The following ARHGEF12 variants were observed in gnomAD, a reference collection of about 807,000 sequenced individuals.
The protein encoded by ARHGEF12 is KMT2A/ARHGEF12 fusion protein.
In ARHGEF12, 66 loss-of-function variants were observed where a neutral mutation model predicts 211.2. That is an observed-to-expected ratio of 0.31 (90% CI 0.26 to 0.38). ARHGEF12 has a LOEUF of 0.38. Ranked by LOEUF, ARHGEF12 falls within the 10% of genes least tolerant of loss-of-function variation. The pLI is 1.00. For missense variants in ARHGEF12, 1,429 were observed against 1,869.5 expected (o/e 0.76, Z 4.34); for synonymous variants, 592 against 638.4 (o/e 0.93, Z 1.09).
chr11:120,388,097 C>T (rs946016024), intron 1 of ARHGEF12, among the ~76,000 whole-genome samples: 2 of 152,168 alleles, frequency 1.3e-5, no homozygotes, highest in African/African-American at 4.8e-5. Context: ...CCCTCCACCC[C>T]TCCTCACCTA....
At chr11:120,411,319 T>C in intron 4 of ARHGEF12, 1 of 152,158 alleles carries the variant, frequency 6.6e-6, no homozygotes, top group East Asian at 1.9e-4. Flanking sequence ...ATTACAAATA[T>C]TTTATCACCT....
At chr11:120,406,011 C>T in intron 1 of ARHGEF12, 107 bp from the exon 2 acceptor site, 1 of 812,164 alleles carries the variant, frequency 1.2e-6, no homozygotes. Context: ...TGGAAAGTTA[C>T]CATAAGATTT....
chr11:120,347,115 C>T (rs997217775), intron 1 of ARHGEF12, among the ~76,000 whole-genome samples: 2 of 151,688 alleles, frequency 1.3e-5, no homozygotes, highest in African/African-American at 4.9e-5. Context: ...TTTCCAGCCT[C>T]TCCCTTTCTT....
chr11:120,353,633 G>A (rs753362625), intron 1 of ARHGEF12, among the ~76,000 whole-genome samples: 5 of 152,098 alleles, frequency 3.3e-5, no homozygotes, highest in Non-Finnish European at 7.4e-5. Flanking sequence ...CTTGCTTCTG[G>A]ATGGCTCCAG....
At chr11:120,470,639 T>C (rs1412461375) in intron 30 of ARHGEF12, among the ~76,000 whole-genome samples, 1 of 152,238 alleles carries the variant, frequency 6.6e-6, no homozygotes, top group Non-Finnish European at 1.5e-5. Context: ...TGAGTATGAT[T>C]ACAACTCTCT....
At chr11:120,434,778 A>AT (rs1310937855) in intron 11 of ARHGEF12, among the ~76,000 whole-genome samples, 3 of 152,134 alleles carry the variant, frequency 2.0e-5, no homozygotes, top group Non-Finnish European at 4.4e-5. Context: ...TATCATTTTG[A>AT]TTTTCAGTTT....
chr11:120,425,676 A>G (rs1466135812), intron 7 of ARHGEF12, among the ~76,000 whole-genome samples: 2 of 151,876 alleles, frequency 1.3e-5, no homozygotes, highest in African/African-American at 4.8e-5. Flanking sequence ...AGAAAGTCAC[A>G]TGAGAGTCCA....
rs556145082 is a variant in ARHGEF12 at position 120,378,210 on chromosome 11, G to A, written c.33-27908G>A. On this transcript the variant is annotated intron_variant, in intron 1 of 40. Coordinates refer to ENST00000397843, the MANE Select transcript of ARHGEF12 (RefSeq NM_015313.3). ...ATCAGTCTTTTTAATTTTAGTCATT[G>A]TAGTGGGTGTGAATGGCATCTCACT... Among the ~76,000 whole-genome samples the A allele has an allele frequency of 3.3e-5, 5 of 152,300 alleles. No individual in the cohort carries two copies. The South Asian group carries it at 1.0e-3, about 32-fold the overall frequency.
At position 120,467,190 on chromosome 11, in the gene ARHGEF12, T is replaced by G. The variant is rs1285577652; in HGVS notation, c.2740-4T>G. 6 of 1,579,862 alleles carry G rather than the reference T, an allele frequency of 3.8e-6. No homozygotes were observed. Among genetic ancestry groups the G allele is most frequent in the Non-Finnish European group, 5.2e-6 (6 of 1,151,080 alleles). The stretch of plus-strand genomic sequence containing the variant: ...CAGATTCACTTATTTCACTTTAATT[T>G]TAGGATGCTGAAAGTAATCCACTGT... On this transcript the variant is annotated splice_polypyrimidine_tract_variant and splice_region_variant and intron_variant, in intron 28 of 40. Transcript: ENST00000397843.
At chr11:120,465,688 G>A (rs545817038) in intron 28 of ARHGEF12, among the ~76,000 whole-genome samples, 6 of 152,074 alleles carry the variant, frequency 3.9e-5, no homozygotes, top group Non-Finnish European at 7.4e-5. Flanking sequence ...GGCTGGGCTC[G>A]AACACCTGAC....
intron 15 of ARHGEF12, among the ~76,000 whole-genome samples, chr11:120,443,202 T>C (rs1945935971): frequency 6.6e-6 from 1 of 152,002 alleles, no homozygotes; most frequent in Non-Finnish European, 1.5e-5. Context: ...TTGTATTTTG[T>C]AGAGCCGGGG....
intron 22 of ARHGEF12, among the ~76,000 whole-genome samples, chr11:120,455,241 C>A (rs1228299847): frequency 6.6e-6 from 1 of 152,088 alleles, no homozygotes; most frequent in Non-Finnish European, 1.5e-5. Context: ...AAAAAGAATA[C>A]CCATCTTCAG....
chr11:120,411,354 C>T (rs1436512325), intron 4 of ARHGEF12: 3 of 152,028 alleles, frequency 2.0e-5, no homozygotes, highest in Admixed American at 1.3e-4. Context: ...CTTTAGATTA[C>T]GTACAGTTAG....
In ARHGEF12 at chr11:120,486,271, CAAGGGTGGAGTGGAAAAAGAT is replaced by C. The variant is rs1947394942; in HGVS notation, c.*1196_*1216del. On this transcript the variant is annotated 3_prime_UTR_variant, in exon 41 of 41. Coordinates refer to ENST00000397843, the MANE Select transcript of ARHGEF12 (RefSeq NM_015313.3). ...AAGGGCCCTGAGTCAAAAGGATAGCCAAGGGTGGAGTGGAAAAAGATATGGTGAAGGCAGAACTGCTCACAC... is the reference window on the plus strand; with the variant it reads ...AAGGGCCCTGAGTCAAAAGGATAGCCATGGTGAAGGCAGAACTGCTCACAC... 2 of 233,248 alleles carry C rather than the reference CAAGGGTGGAGTGGAAAAAGAT, an allele frequency of 8.6e-6. No homozygotes were observed. The highest frequency in any genetic ancestry group is 1.7e-5 in the Non-Finnish European group (2 of 117,856). The allele number at this position is 233,248 out of a possible 1,614,324, so 14.4% of individuals were successfully genotyped here. A position where few individuals can be genotyped will look rare whatever the true frequency, so the allele number is the denominator to read the frequency against.
rs181539662 is a variant in ARHGEF12 at position 120,409,488 on chromosome 11, G to A, written c.199+38G>A. 4 of 1,598,368 alleles carry A rather than the reference G, an allele frequency of 2.5e-6. No homozygotes were observed. The East Asian group carries it at 6.7e-5, about 27-fold the overall frequency. On this transcript the variant is annotated intron_variant, in intron 4 of 40. Transcript: ENST00000397843. ...AGCTAATTCAGCCTTGCCCTTTGGA[G>A]CTTGCTTCATGGTGTTCCTTTTCTG...
In ARHGEF12 at chr11:120,473,076, T is replaced by G; in HGVS notation, c.2982T>G (p.Leu994=). Residue 994 remains leucine, a synonymous_variant, in exon 31 of 41, where the codon CTT becomes CTG. Transcript: ENST00000397843. ...KQRLEDYQRR[L]DTSSLKLSEY... ...GCCTAGAAGATTATCAGCGTCGCCT[T>G]GATACCTCCAGCCTGAAGTTGTCAG... 6.2e-7 allele frequency: 1 copy of G among 1,613,724 alleles called. No individual in the cohort carries two copies. Among genetic ancestry groups the G allele is most frequent in the Non-Finnish European group, 8.5e-7 (1 of 1,179,790 alleles).
chr11:120,435,978 T>C (rs1945682507), intron 11 of ARHGEF12, among the ~76,000 whole-genome samples: 1 of 152,248 alleles, frequency 6.6e-6, no homozygotes. Context: ...TACTAGCTAA[T>C]AGGTTACCCT....
chr11:120,368,288 A>G (rs1230250777), intron 1 of ARHGEF12, among the ~76,000 whole-genome samples: 3 of 152,192 alleles, frequency 2.0e-5, no homozygotes, highest in Non-Finnish European at 4.4e-5. Context: ...CTACAGGCAC[A>G]TGCTACAATG....
chr11:120,472,340 C>G (rs1946893193), intron 30 of ARHGEF12, among the ~76,000 whole-genome samples: 1 of 151,884 alleles, frequency 6.6e-6, no homozygotes, highest in African/African-American at 2.4e-5. Context: ...GAATTTTTCT[C>G]AAAGGCTACC....
Sources: gnomAD v4.1 joint callset for allele counts (sites outside exome capture counted in the v4.1 genomes callset) on GRCh38, gnomAD v4.1.1 for gene constraint, MANE v1.5 for transcripts, NCBI Gene and HGNC (gene_info 2026-07-23, HGNC 2026-07-21) for gene names.